PAPPA2: variants seen among roughly 807,000 people sequenced by gnomAD.
PAPPA2 encodes the protein pappalysin-2.
In PAPPA2, 86 loss-of-function variants were observed where a neutral mutation model predicts 176.4. The observed-to-expected ratio is 0.49, with a 90% CI of 0.41 to 0.58. The LOEUF (loss-of-function observed/expected upper bound fraction) is 0.58, where lower values mean the gene tolerates loss of function less well. Ranked by LOEUF, PAPPA2 falls within the 20% of genes least tolerant of loss-of-function variation. PAPPA2 has a pLI of 0.00. For synonymous variants in PAPPA2, 809 were observed against 852.2 expected, an observed-to-expected ratio of 0.95 and a Z score of 0.88; for missense variants, 2,073 against 2,256.9, an observed-to-expected ratio of 0.92 and a Z score of 1.65.
chr1:176,655,899 A>G lies in PAPPA2; in HGVS notation c.1992-15071A>G, dbSNP rs575479455. On this transcript the variant is annotated intron_variant, in intron 3 of 22. Transcript: ENST00000367662. ...TTATCCTCTTTTCTCTTTTGACTCT[A>G]TATACCTTTTCCTGGGCCAGATTAA... 3.9e-5 allele frequency among the ~76,000 whole-genome samples: 6 copies of G among 151,978 alleles called. No individual in the cohort carries two copies. In the South Asian group the frequency reaches 1.0e-3, roughly 26 times the overall value.
chr1:176,521,823 A>G (rs1321276046), intron 1 of PAPPA2, among the ~76,000 whole-genome samples: 1 of 152,160 alleles, frequency 6.6e-6, no homozygotes, highest in Admixed American at 6.5e-5. Context: ...AAACTTCTAG[A>G]AAGATTTGGG....
chr1:176,807,887 T>G (rs530567735), intron 21 of PAPPA2, among the ~76,000 whole-genome samples: 21 of 152,338 alleles, frequency 1.4e-4, no homozygotes, highest in African/African-American at 5.1e-4. Context: ...CCTATACTGA[T>G]GCCGTGTTCT....
chr1:176,819,285 G>A (rs78115388), intron 21 of PAPPA2, among the ~76,000 whole-genome samples: 1 of 152,120 alleles, frequency 6.6e-6, no homozygotes, highest in East Asian at 1.9e-4. Context: ...AATGTTATGA[G>A]TCCTTTAAAA....
chr1:176,655,789 A>G (rs1164369055), intron 3 of PAPPA2, among the ~76,000 whole-genome samples: 1 of 151,848 alleles, frequency 6.6e-6, no homozygotes, highest in Non-Finnish European at 1.5e-5. Context: ...CCAGCACACA[A>G]TATATCCATG....
At chr1:176,606,767 T>G (rs1199013027) in intron 3 of PAPPA2, among the ~76,000 whole-genome samples, 1 of 152,196 alleles carries the variant, frequency 6.6e-6, no homozygotes, top group Non-Finnish European at 1.5e-5. Context: ...CTGGCTGAGT[T>G]TCTTAAAATA....
intron 17 of PAPPA2, among the ~76,000 whole-genome samples, chr1:176,784,623 G>A (rs1664854106): frequency 6.8e-6 from 1 of 147,170 alleles, no homozygotes; most frequent in Non-Finnish European, 1.5e-5. Context: ...ATCTTGCTCT[G>A]TCTACCAGGC....
At position 176,843,279 on chromosome 1, in the gene PAPPA2, G is replaced by A. The variant is rs1667549495; in HGVS notation, c.*825G>A. 6.6e-6 allele frequency: 1 copy of A among 152,082 alleles called. No homozygotes were observed. The highest frequency in any genetic ancestry group is 6.6e-5 in the Admixed American group (1 of 15,264). 9.4% of individuals were successfully genotyped at this position (152,082 alleles called of 1,614,324 possible). A position where few individuals can be genotyped will look rare whatever the true frequency, so the allele number is the denominator to read the frequency against. ...GGAGCTGGGCCCATTTTATGACCAA[G>A]GAGATGGGGAGTTGGAATGGTGGTA... is the stretch of plus-strand genomic sequence containing the variant. On this transcript the variant is annotated 3_prime_UTR_variant, in exon 23 of 23. Coordinates refer to ENST00000367662, the MANE Select transcript of PAPPA2 (RefSeq NM_020318.3).
intron 21 of PAPPA2, among the ~76,000 whole-genome samples, chr1:176,828,228 C>T (rs1557897136): frequency 6.6e-6 from 1 of 151,970 alleles, no homozygotes; most frequent in Non-Finnish European, 1.5e-5. Context: ...TTTTTTTTCA[C>T]CTGTAAAATG....
At chr1:176,475,001 A>G (rs1652046307) in intron 1 of PAPPA2, among the ~76,000 whole-genome samples, 2 of 152,242 alleles carry the variant, frequency 1.3e-5, no homozygotes, top group Non-Finnish European at 2.9e-5. Context: ...AAAATAGAAT[A>G]AAATACAATC....
At chr1:176,693,033 TAACAGATA>T (rs1465478008) in intron 6 of PAPPA2, among the ~76,000 whole-genome samples, 1 of 152,220 alleles carries the variant, frequency 6.6e-6, no homozygotes, top group East Asian at 1.9e-4. Flanking sequence ...TTTGAAAGAA[TAACAGATA>T]AATTTTTGTA....
intron 3 of PAPPA2, among the ~76,000 whole-genome samples, chr1:176,620,418 A>G (rs1464644746): frequency 1.3e-5 from 2 of 152,222 alleles, no homozygotes; most frequent in African/African-American, 4.8e-5. Context: ...TCTGCAAAAA[A>G]GGAAAATTGA....
intron 3 of PAPPA2, among the ~76,000 whole-genome samples, chr1:176,598,506 C>G (rs1415337986): frequency 6.6e-6 from 1 of 152,058 alleles, no homozygotes; most frequent in African/African-American, 2.4e-5. Context: ...AAGTACTATT[C>G]TATTATTATA....
At chr1:176,674,913 T>C (rs1307134515) in intron 4 of PAPPA2, among the ~76,000 whole-genome samples, 3 of 152,062 alleles carry the variant, frequency 2.0e-5, no homozygotes, top group African/African-American at 7.2e-5. Context: ...AAGTGTTCCC[T>C]TTTCACCACA....
intron 14 of PAPPA2, among the ~76,000 whole-genome samples, chr1:176,759,646 A>G (rs1663598621): frequency 6.6e-6 from 1 of 152,180 alleles, no homozygotes. Context: ...GCTAGGAACT[A>G]CTGAGCTCCC....
intron 14 of PAPPA2, among the ~76,000 whole-genome samples, chr1:176,764,848 G>T (rs995467869): frequency 3.3e-5 from 5 of 152,086 alleles, no homozygotes; most frequent in Non-Finnish European, 5.9e-5. Flanking sequence ...CGCCCGCCTT[G>T]GCCTCCCAAA....
At chr1:176,701,079 T>C (rs972065797) in intron 8 of PAPPA2, among the ~76,000 whole-genome samples, 7 of 132,888 alleles carry the variant, frequency 5.3e-5, no homozygotes, top group African/African-American at 8.7e-5. Context: ...CACACACACA[T>C]GTTTAAGGCC....
chr1:176,668,899 G>C (rs536228424), intron 3 of PAPPA2, among the ~76,000 whole-genome samples: 1 of 152,132 alleles, frequency 6.6e-6, no homozygotes, highest in Non-Finnish European at 1.5e-5. Flanking sequence ...TAATTTATGC[G>C]TGGAGAGAAG....
At chr1:176,561,019 C>T (rs780389681) in intron 2 of PAPPA2, among the ~76,000 whole-genome samples, 15 of 152,308 alleles carry the variant, frequency 9.8e-5, no homozygotes, top group Non-Finnish European at 1.9e-4. Flanking sequence ...CTGTCCCTGA[C>T]ATGAAGACAA....
At chr1:176,770,093 T>C (rs1028680466) in intron 16 of PAPPA2, among the ~76,000 whole-genome samples, 2 of 152,228 alleles carry the variant, frequency 1.3e-5, no homozygotes, top group Non-Finnish European at 2.9e-5. Flanking sequence ...ATAATCAAGA[T>C]ACACTTTATT....
Sources: allele counts gnomAD v4.1 joint callset (sites outside exome capture counted in the v4.1 genomes callset), GRCh38; gene constraint gnomAD v4.1.1; transcripts MANE v1.5; gene names NCBI Gene and HGNC (gene_info 2026-07-23, HGNC 2026-07-21).